The following THSD4 variants were observed in gnomAD, a reference collection of about 807,000 sequenced individuals.
The protein encoded by THSD4 is thrombospondin type 1 domain containing 4, also known as thrombospondin type-1 domain-containing protein 4.
In THSD4, 69 loss-of-function variants were observed where a neutral mutation model predicts 119.0. That is an observed-to-expected ratio of 0.58 (90% confidence interval 0.48 to 0.71). The LOEUF is 0.71. Among genes scored for constraint, THSD4 ranks in the 30% least tolerant of loss-of-function variants. The pLI, the probability that THSD4 is intolerant of heterozygous loss-of-function variation, is 0.00. For synonymous variants in THSD4, 524 were observed against 540.4 expected (o/e 0.97, Z 0.42); for missense variants, 1,393 against 1,391.1 (o/e 1.00, Z -0.02).
intron 6 of THSD4, among the ~76,000 whole-genome samples, chr15:71,322,103 A>G (rs919131263): frequency 6.6e-6 from 1 of 152,140 alleles, no homozygotes; most frequent in Admixed American, 6.5e-5. Context: ...ATGGTTTTTT[A>G]AAATTCATTG....
intron 1 of THSD4, among the ~76,000 whole-genome samples, chr15:71,098,453 A>G (rs1295659655): frequency 1.3e-5 from 2 of 152,080 alleles, no homozygotes; most frequent in African/African-American, 4.8e-5. Flanking sequence ...TTGTAGAGAC[A>G]GGATTTTGCC....
At chr15:71,321,431 G>T (rs2045266404) in intron 6 of THSD4, among the ~76,000 whole-genome samples, 1 of 152,118 alleles carries the variant, frequency 6.6e-6, no homozygotes, top group Non-Finnish European at 1.5e-5. Context: ...AGCTACTCAG[G>T]AGGCTGAGGC....
At chr15:71,421,893 A>G (rs1171242572) in intron 7 of THSD4, among the ~76,000 whole-genome samples, 1 of 152,114 alleles carries the variant, frequency 6.6e-6, no homozygotes, top group African/African-American at 2.4e-5. Flanking sequence ...GTGTATTTTC[A>G]AATAACTTGT....
intron 7 of THSD4, among the ~76,000 whole-genome samples, chr15:71,546,671 G>C (rs1312799927): frequency 6.6e-6 from 1 of 152,148 alleles, no homozygotes; most frequent in Non-Finnish European, 1.5e-5. Flanking sequence ...GCAGCAAGAG[G>C]GGGATATAAT....
intron 9 of THSD4, chr15:71,729,980 C>G (rs1466817362): frequency 6.6e-6 from 1 of 151,986 alleles, no homozygotes; most frequent in African/African-American, 2.4e-5. Context: ...TAGGAGAATC[C>G]CAGGGGTTCT....
intron 7 of THSD4, among the ~76,000 whole-genome samples, chr15:71,573,288 C>T (rs1190783454): frequency 1.3e-5 from 2 of 152,142 alleles, no homozygotes; most frequent in African/African-American, 4.8e-5. Flanking sequence ...CGAATCCAGG[C>T]AGGGAATGCC....
intron 7 of THSD4, among the ~76,000 whole-genome samples, chr15:71,601,762 C>G (rs2050015333): frequency 6.6e-6 from 1 of 152,178 alleles, no homozygotes; most frequent in Non-Finnish European, 1.5e-5. Context: ...GTTGCGAGAT[C>G]AGAAATCTCT....
intron 3 of THSD4, among the ~76,000 whole-genome samples, chr15:71,212,574 G>C (rs2043896854): frequency 6.6e-6 from 1 of 152,184 alleles, no homozygotes; most frequent in Admixed American, 6.5e-5. Flanking sequence ...GCCTTTGTTC[G>C]TTTATCCCAA....
chr15:71,574,279 C>T lies in THSD4; in HGVS notation c.1153-86251C>T, dbSNP rs114855092. ...TGCAATGGCAAACATTTATGATAGG[C>T]TCAAGTTTTGAACCTTGCAACAACC... On this transcript the variant is annotated intron_variant, in intron 7 of 17. Coordinates refer to ENST00000261862, the MANE Select transcript of THSD4 (RefSeq NM_024817.3). 2.3e-3 allele frequency among the ~76,000 whole-genome samples: 345 copies of T among 152,270 alleles called. 4 individuals carry two copies. The highest frequency in any genetic ancestry group is 0.016 in the South Asian group (75 of 4,820).
At chr15:71,158,267 C>A (rs1238289527) in intron 3 of THSD4, among the ~76,000 whole-genome samples, 1 of 150,284 alleles carries the variant, frequency 6.7e-6, no homozygotes, top group African/African-American at 2.4e-5. Flanking sequence ...GATTCTTCTG[C>A]CTCAGCCTCC....
At chr15:71,682,766 A>G (rs533881527) in intron 8 of THSD4, among the ~76,000 whole-genome samples, 1 of 152,208 alleles carries the variant, frequency 6.6e-6, no homozygotes, top group African/African-American at 2.4e-5. Context: ...TATCTGTCAA[A>G]TAATTTCTGT....
Position 71,218,177 on chromosome 15 carries a change from G to A in THSD4, c.464+2778G>A, listed in dbSNP as rs180812152. Among the ~76,000 whole-genome samples the A allele has an allele frequency of 5.5e-3, 836 of 152,294 alleles. 2 individuals are homozygous for A. Among genetic ancestry groups the A allele is most frequent in the Non-Finnish European group, 9.5e-3 (646 of 68,032 alleles). On this transcript the variant is annotated intron_variant, in intron 4 of 17. Transcript: ENST00000261862. The stretch of plus-strand genomic sequence containing the variant: ...GAAATAGAGTCAGGCTTGAAACCCA[G>A]GCCATCGTGGCTCTAAGGACGTGAC...
At chr15:71,452,895 A>G (rs1299359551) in intron 7 of THSD4, among the ~76,000 whole-genome samples, 4 of 152,186 alleles carry the variant, frequency 2.6e-5, no homozygotes, top group African/African-American at 9.6e-5. Flanking sequence ...GATTACAGGC[A>G]TGAGCCACTG....
chr15:71,407,835 T>A (rs2046628804), intron 6 of THSD4, among the ~76,000 whole-genome samples: 1 of 152,206 alleles, frequency 6.6e-6, no homozygotes, highest in Non-Finnish European at 1.5e-5. Context: ...CCAGAGTTTC[T>A]GATCCAGGAT....
intron 8 of THSD4, among the ~76,000 whole-genome samples, chr15:71,715,905 C>T (rs2052598598): frequency 6.6e-6 from 1 of 152,072 alleles, no homozygotes; most frequent in South Asian, 2.1e-4. Flanking sequence ...AACCCTGAAG[C>T]AAGCACACAC....
chr15:71,589,849 T>C (rs981391980), intron 7 of THSD4, among the ~76,000 whole-genome samples: 1 of 139,270 alleles, frequency 7.2e-6, no homozygotes, highest in African/African-American at 2.5e-5. Flanking sequence ...GCTATGCATG[T>C]AATGAAGTAC....
chr15:71,586,835 T>G lies in THSD4; in HGVS notation c.1153-73695T>G, dbSNP rs2049680495. Among the ~76,000 whole-genome samples, 5 of 152,294 alleles carry G rather than the reference T, an allele frequency of 3.3e-5. No homozygotes were observed. In the South Asian group the frequency reaches 1.0e-3, roughly 32 times the overall value. The stretch of plus-strand genomic sequence containing the variant: ...CCTACCACACTATTCTGTGTTTCCT[T>G]CATGAAGCTGTTGACATTCGTTAAA... On this transcript the variant is annotated intron_variant, in intron 7 of 17. Coordinates refer to ENST00000261862, the MANE Select transcript of THSD4 (RefSeq NM_024817.3).
chr15:71,246,154 G>A (rs905740396), intron 5 of THSD4, among the ~76,000 whole-genome samples: 2 of 152,208 alleles, frequency 1.3e-5, no homozygotes, highest in Non-Finnish European at 2.9e-5. Context: ...CATCTGTAAA[G>A]TGGGCTAATG....
At chr15:71,632,744 G>C (rs1476726837) in intron 7 of THSD4, among the ~76,000 whole-genome samples, 1 of 152,168 alleles carries the variant, frequency 6.6e-6, no homozygotes, top group Non-Finnish European at 1.5e-5. Flanking sequence ...AACATTGCCT[G>C]GTCCTGATTA....
Sources: gnomAD v4.1 joint callset for allele counts (sites outside exome capture counted in the v4.1 genomes callset) on GRCh38, gnomAD v4.1.1 for gene constraint, MANE v1.5 for transcripts, NCBI Gene and HGNC (gene_info 2026-07-23, HGNC 2026-07-21) for gene names.